The following PCDHGB3 variants were observed in gnomAD, a reference collection of about 807,000 sequenced individuals.
PCDHGB3 encodes the protein protocadherin gamma subfamily B, 3.
Under a neutral mutation model 59.2 loss-of-function variants are expected in PCDHGB3, and 40 were observed. The observed-to-expected ratio is 0.68, with a 90% CI of 0.52 to 0.88. The LOEUF (loss-of-function observed/expected upper bound fraction) is 0.88, where lower values mean the gene tolerates loss of function less well. PCDHGB3 is among the 40% of genes least tolerant of loss of function. The pLI is 0.00. For synonymous variants in PCDHGB3, 581 were observed against 503.6 expected, an observed-to-expected ratio of 1.15 and a Z score of -2.06; for missense variants, 1,309 against 1,187.9, an observed-to-expected ratio of 1.10 and a Z score of -1.50.
chr5:141,477,432 C>T lies in PCDHGB3; in HGVS notation c.2416-17375C>T, dbSNP rs1184041591. 6.2e-7 allele frequency: 1 copy of T among 1,614,186 alleles called. No individual in the cohort carries two copies. Among genetic ancestry groups the T allele is most frequent in the Admixed American group, 1.7e-5 (1 of 60,028 alleles). ...GACGCCGGAACCCCTTCCCTCTCAG[C>T]CCTTACAATAGTGCGTGTTCAAGTG... On this transcript the variant is annotated intron_variant, in intron 1 of 3. Transcript: ENST00000576222. This position sits in a 1 kb window ranked among gnomAD's most constrained non-coding sequence, Gnocchi z 4.9.
In PCDHGB3 at chr5:141,490,113, C is replaced by G. The variant is rs2099696295; in HGVS notation, c.2416-4694C>G. Reference sequence around the variant, plus strand: ...ACCACACATCTGAGGCAGTGCGGAACCTCTTTGGCCTAGACCCTAGCAGTG... The same window carrying G: ...ACCACACATCTGAGGCAGTGCGGAAGCTCTTTGGCCTAGACCCTAGCAGTG... On this transcript the variant is annotated intron_variant, in intron 1 of 3. Transcript: ENST00000576222. This position sits in a 1 kb window ranked among gnomAD's most constrained non-coding sequence, Gnocchi z 5.4. 1 of 1,614,258 alleles carries G rather than the reference C, an allele frequency of 6.2e-7. No individual in the cohort carries two copies.
At chr5:141,403,895 T>G in intron 1 of PCDHGB3, 1 of 1,613,884 alleles carries the variant, frequency 6.2e-7, no homozygotes, top group Non-Finnish European at 8.5e-7. Context: ...ATGTTCATTT[T>G]ATGAAATGGA....
At chr5:141,456,259 C>T (rs1456888951) in intron 1 of PCDHGB3, among the ~76,000 whole-genome samples, 1 of 152,122 alleles carries the variant, frequency 6.6e-6, no homozygotes, top group Non-Finnish European at 1.5e-5. Flanking sequence ...GCGACCATTG[C>T]TTCTGGCTAC....
At chr5:141,377,343 C>G (rs1218188915) in intron 1 of PCDHGB3, 1 of 152,110 alleles carries the variant, frequency 6.6e-6, no homozygotes. Context: ...TGGTGGTTCA[C>G]GCCTGTAATC....
intron 2 of PCDHGB3, among the ~76,000 whole-genome samples, chr5:141,503,085 C>T (rs1284066265): frequency 6.6e-6 from 1 of 152,044 alleles, no homozygotes; most frequent in Non-Finnish European, 1.5e-5. Context: ...GATCTCCTGA[C>T]CTCGTGGTCT....
chr5:141,393,555 C>G, intron 1 of PCDHGB3: 6 of 1,613,928 alleles, frequency 3.7e-6, no homozygotes, highest in Non-Finnish European at 5.1e-6. Flanking sequence ...CCCGATTTAC[C>G]GAGTGAAAGT....
intron 1 of PCDHGB3, chr5:141,398,327 G>C (rs1348307728): frequency 7.4e-7 from 1 of 1,353,452 alleles, no homozygotes; most frequent in Non-Finnish European, 1.0e-6. Flanking sequence ...CGAAAACTGC[G>C]CGTCAGTTCG....
intron 1 of PCDHGB3, chr5:141,424,706 T>G (rs752721357): frequency 4.6e-5 from 7 of 152,190 alleles, no homozygotes; most frequent in Non-Finnish European, 8.8e-5. Context: ...TTTGTTCATT[T>G]TCAGTGTAGT....
intron 1 of PCDHGB3, chr5:141,403,578 A>G: frequency 6.2e-7 from 1 of 1,613,850 alleles, no homozygotes. Context: ...ACTGCCCACC[A>G]CCTGGTCCTC....
Position 141,490,869 on chromosome 5 carries a change from A to AT in PCDHGB3, c.2416-3936dup. 1.2e-6 allele frequency: 2 copies of AT among 1,613,902 alleles called. No individual in the cohort carries two copies. Among genetic ancestry groups the AT allele is most frequent in the Non-Finnish European group, 8.5e-7 (1 of 1,179,954 alleles). ...GGGTTCGAGACTCCGGCTCTCCCCC[A>AT]TTGCATGCCAACACATCTCTGCATG... On this transcript the variant is annotated intron_variant, in intron 1 of 3. Coordinates refer to ENST00000576222, the MANE Select transcript of PCDHGB3 (RefSeq NM_018924.5). This position sits in a 1 kb window ranked among gnomAD's most constrained non-coding sequence, Gnocchi z 5.4.
chr5:141,406,781 T>C (rs1054583306), intron 1 of PCDHGB3, among the ~76,000 whole-genome samples: 4 of 152,218 alleles, frequency 2.6e-5, no homozygotes, highest in Non-Finnish European at 5.9e-5. Context: ...CTCTCACTTA[T>C]ATATTATTTC....
Position 141,486,677 on chromosome 5 carries a change from G to A in PCDHGB3, c.2416-8130G>A, listed in dbSNP as rs755512470. ...ACTCCTGGAGCCCAGGAATCGAGATGTATCAGCTTCCTCTTTCATCTCTCT... is the reference window on the plus strand; with the variant it reads ...ACTCCTGGAGCCCAGGAATCGAGATATATCAGCTTCCTCTTTCATCTCTCT... On this transcript the variant is annotated intron_variant, in intron 1 of 3. Transcript: ENST00000576222. This position sits in a 1 kb window ranked among gnomAD's most constrained non-coding sequence, Gnocchi z 5.0. The A allele has an allele frequency of 3.7e-6, 6 of 1,614,060 alleles. No individual in the cohort carries two copies. Among genetic ancestry groups the A allele is most frequent in the Middle Eastern group, 1.6e-4 (1 of 6,062 alleles).
chr5:141,428,056 C>T (rs2097104330), intron 1 of PCDHGB3: 3 of 1,609,000 alleles, frequency 1.9e-6, no homozygotes, highest in African/African-American at 1.3e-5. Flanking sequence ...AAGGTGGTGG[C>T]GGTGGACGCA....
At chr5:141,413,855 C>G (rs2095686270) in intron 1 of PCDHGB3, 1 of 1,613,206 alleles carries the variant, frequency 6.2e-7, no homozygotes, top group African/African-American at 1.3e-5. Flanking sequence ...CCTCTCCGAT[C>G]TGGCACTGTC....
chr5:141,475,098 C>G (rs1252108172), intron 1 of PCDHGB3, among the ~76,000 whole-genome samples: 1 of 152,108 alleles, frequency 6.6e-6, no homozygotes, highest in East Asian at 1.9e-4. Flanking sequence ...TTATAAAGAT[C>G]CTAGGTGGTA....
chr5:141,418,998 G>A (rs757681244), intron 1 of PCDHGB3: 4 of 1,613,940 alleles, frequency 2.5e-6, no homozygotes, highest in South Asian at 2.2e-5. Context: ...GGGGAAAATG[G>A]GGAAGTCAGG....
At position 141,376,627 on chromosome 5, in the gene PCDHGB3, A is replaced by G. The variant is rs183524096; in HGVS notation, c.2415+3818A>G. On this transcript the variant is annotated intron_variant, in intron 1 of 3. Transcript: ENST00000576222. ...AGCGAACCTCTTTTGGTACAGGAAG[A>G]TTCGTGATTTTGTAAAGTGGAAGAC... 863 of 1,127,968 alleles carry G rather than the reference A, an allele frequency of 7.7e-4. 3 individuals carry two copies. Among genetic ancestry groups the G allele is most frequent in the Middle Eastern group, 3.8e-3 (17 of 4,452 alleles). The allele number at this position is 1,127,968 out of a possible 1,614,324, so 69.9% of individuals were successfully genotyped here. A position where few individuals can be genotyped will look rare whatever the true frequency, so the allele number is the denominator to read the frequency against.
chr5:141,409,360 A>G (rs746614262), intron 1 of PCDHGB3: 2 of 1,614,014 alleles, frequency 1.2e-6, no homozygotes, highest in Admixed American at 3.3e-5. Flanking sequence ...GGTGTAATAT[A>G]GAAACAGACA....
intron 1 of PCDHGB3, chr5:141,414,115 G>A: frequency 6.3e-7 from 1 of 1,591,952 alleles, no homozygotes; most frequent in Middle Eastern, 1.7e-4. Flanking sequence ...TCTAGATTAT[G>A]AAGAAACCGG....
Sources: gnomAD v4.1 joint callset for allele counts (sites outside exome capture counted in the v4.1 genomes callset) on GRCh38, gnomAD v4.1.1 for gene constraint, Gnocchi (gnomAD v3.1) non-coding constraint, MANE v1.5 for transcripts, NCBI Gene and HGNC (gene_info 2026-07-23, HGNC 2026-07-21) for gene names.